The following KCNN3 variants were observed in gnomAD, a reference collection of about 807,000 sequenced individuals.
KCNN3 encodes the protein small conductance calcium-activated potassium channel protein 3.
Under a neutral mutation model 62.9 loss-of-function variants are expected in KCNN3, and 16 were observed. That is an observed-to-expected ratio of 0.25 (90% CI 0.17 to 0.39). The LOEUF (loss-of-function observed/expected upper bound fraction) is 0.39. KCNN3 is among the 10% of genes least tolerant of loss of function. The pLI, the probability that KCNN3 is intolerant of heterozygous loss-of-function variation, is 1.00. For synonymous variants in KCNN3, 370 were observed against 389.2 expected (o/e 0.95, Z 0.58); for missense variants, 599 against 949.4 (o/e 0.63, Z 4.85).
chr1:154,728,715 GA>G (rs1700526574), intron 4 of KCNN3, among the ~76,000 whole-genome samples: 1 of 152,060 alleles, frequency 6.6e-6, no homozygotes, highest in African/African-American at 2.4e-5. Flanking sequence ...AAGCTGGGCA[GA>G]AAATGAGATG....
chr1:154,865,413 C>T (rs1295907269), intron 1 of KCNN3, among the ~76,000 whole-genome samples: 1 of 152,136 alleles, frequency 6.6e-6, no homozygotes, highest in African/African-American at 2.4e-5. Flanking sequence ...TAGGAGCCCA[C>T]TGGGGCCATC....
intron 3 of KCNN3, among the ~76,000 whole-genome samples, chr1:154,739,367 T>C (rs1306980999): frequency 6.6e-6 from 1 of 152,228 alleles, no homozygotes; most frequent in Non-Finnish European, 1.5e-5. Flanking sequence ...TCTACTTGTA[T>C]GTTCTCTCCA....
At chr1:154,766,258 C>T (rs1648266818) in intron 3 of KCNN3, among the ~76,000 whole-genome samples, 1 of 151,382 alleles carries the variant, frequency 6.6e-6, no homozygotes, top group South Asian at 2.1e-4. Context: ...TCTAACTAGT[C>T]CTCTGATATC....
At chr1:154,721,672 G>A (rs1478083318) in intron 5 of KCNN3, among the ~76,000 whole-genome samples, 25 of 151,990 alleles carry the variant, frequency 1.6e-4, no homozygotes, top group Admixed American at 2.0e-4. Flanking sequence ...TGGAGGTGAG[G>A]ACCACCTCTT....
chr1:154,858,736 CTTTT>C (rs66459758), intron 1 of KCNN3, among the ~76,000 whole-genome samples: 2 of 141,814 alleles, frequency 1.4e-5, no homozygotes, highest in Non-Finnish European at 1.5e-5. Flanking sequence ...AGTCATGTAA[CTTTT>C]TTTTTTTTTT....
chr1:154,838,754 T>C (rs1469742635), intron 1 of KCNN3, among the ~76,000 whole-genome samples: 1 of 152,200 alleles, frequency 6.6e-6, no homozygotes, highest in Non-Finnish European at 1.5e-5. Context: ...GCGTTGAGCA[T>C]CTGCTTACCA....
chr1:154,734,529 A>G (rs1372193189), intron 3 of KCNN3, among the ~76,000 whole-genome samples: 1 of 152,200 alleles, frequency 6.6e-6, no homozygotes, highest in Non-Finnish European at 1.5e-5. Context: ...CCATGCCCCC[A>G]CAGGGTCTGT....
intron 1 of KCNN3, among the ~76,000 whole-genome samples, chr1:154,866,295 T>C (rs1652954694): frequency 6.6e-6 from 1 of 152,232 alleles, no homozygotes; most frequent in African/African-American, 2.4e-5. Context: ...AGGAAAAAGA[T>C]ATCTCCTTTC....
intron 3 of KCNN3, among the ~76,000 whole-genome samples, chr1:154,733,363 G>A (rs989642059): frequency 5.9e-5 from 9 of 152,210 alleles, no homozygotes; most frequent in African/African-American, 2.2e-4. Flanking sequence ...CCCGCCATGA[G>A]CTTGGTCCCA....
chr1:154,780,926 C>A (rs756301524), intron 2 of KCNN3, among the ~76,000 whole-genome samples: 1 of 152,168 alleles, frequency 6.6e-6, no homozygotes, highest in Non-Finnish European at 1.5e-5. Flanking sequence ...TATGATTCTA[C>A]CATAAACAAG....
chr1:154,863,319 TGG>T (rs1652834775), intron 1 of KCNN3, among the ~76,000 whole-genome samples: 1 of 152,192 alleles, frequency 6.6e-6, no homozygotes, highest in Non-Finnish European at 1.5e-5. Context: ...CTACAGCTCC[TGG>T]GAAAAGCACA....
intron 2 of KCNN3, among the ~76,000 whole-genome samples, chr1:154,793,554 C>T (rs999057314): frequency 2.0e-5 from 3 of 152,138 alleles, no homozygotes; most frequent in Admixed American, 6.5e-5. Context: ...ATGCAAACTG[C>T]AAAGTAGCAA....
rs1653117185 is a variant in KCNN3 at position 154,869,903 on chromosome 1, C to T, written c.62G>A (p.Cys21Tyr). The change falls in exon 1 of 8, where the codon TGC becomes TAC. Residue 21 changes from cysteine to tyrosine, a missense_variant. By Grantham distance (194) the Cys-to-Tyr change is radical. Transcript: ENST00000271915. The surrounding 1 kb of genome is among the most constrained non-coding windows in gnomAD (Gnocchi z 6.1). ...CTCATCCCCAGAGGATGGACAGGGG[C>T]ACTTGGGGTCTTCATCCAAGTCCCC... is the stretch of plus-strand genomic sequence containing the variant. ...GVGDLDEDPK[C>Y]PCPSSGDEQQ... 6.2e-7 allele frequency: 1 copy of T among 1,609,042 alleles called. No homozygotes were observed. The highest frequency in any genetic ancestry group is 8.5e-7 in the Non-Finnish European group (1 of 1,177,994).
chr1:154,736,531 C>T (rs183743535), intron 3 of KCNN3, among the ~76,000 whole-genome samples: 108 of 152,342 alleles, frequency 7.1e-4, no homozygotes, highest in Admixed American at 1.8e-3. Context: ...CCCAGATAAG[C>T]AGTGCTGCTA....
intron 3 of KCNN3, among the ~76,000 whole-genome samples, chr1:154,734,973 C>A (rs1416217508): frequency 3.1e-5 from 4 of 127,454 alleles, no homozygotes; most frequent in African/African-American, 8.1e-5. Context: ...AGCACCTGGG[C>A]TCCAGTAGCA....
chr1:154,868,926 CT>C, intron 1 of KCNN3, 105 bp downstream of exon 1: 2 of 1,093,644 alleles, frequency 1.8e-6, no homozygotes, highest in African/African-American at 1.6e-5. Context: ...CTCTCTCTCT[CT>C]CTCTCTCTCA....
chr1:154,805,627 TG>T (rs1335097493), intron 2 of KCNN3, among the ~76,000 whole-genome samples: 1 of 152,190 alleles, frequency 6.6e-6, no homozygotes, highest in African/African-American at 2.4e-5. Flanking sequence ...GGCCATTCTG[TG>T]GGAATGAGCT....
chr1:154,707,808 AAGGCATGTCGGACCAAGCACGCTG>A lies in KCNN3; in HGVS notation c.*144_*167del. 1.3e-6 allele frequency: 1 copy of A among 751,480 alleles called. No homozygotes were observed. Among genetic ancestry groups the A allele is most frequent in the South Asian group, 1.9e-5 (1 of 51,898 alleles). 46.6% of individuals were successfully genotyped at this position (751,480 alleles called of 1,614,324 possible). On this transcript the variant is annotated 3_prime_UTR_variant, in exon 8 of 8. Coordinates refer to ENST00000271915, the MANE Select transcript of KCNN3 (RefSeq NM_002249.6). ...AAACAGAGATTAGATTTCTGGTTTC[AAGGCATGTCGGACCAAGCACGCTG>A]AATGAACATGAGTTAGTTAATTAGC...
intron 2 of KCNN3, among the ~76,000 whole-genome samples, chr1:154,811,051 A>T (rs1650386424): frequency 1.3e-5 from 2 of 152,200 alleles, no homozygotes; most frequent in South Asian, 4.1e-4. Context: ...AATCACTGAG[A>T]TGATAAAGTA....
Sources: gnomAD v4.1 joint callset for allele counts (sites outside exome capture counted in the v4.1 genomes callset) on GRCh38, gnomAD v4.1.1 for gene constraint, Gnocchi (gnomAD v3.1) non-coding constraint, MANE v1.5 for transcripts, NCBI Gene and HGNC (gene_info 2026-07-23, HGNC 2026-07-21) for gene names.